THADA: variants seen among roughly 807,000 people sequenced by gnomAD.
THADA encodes the protein tRNA (32-2'-O)-methyltransferase regulator THADA.
THADA carries 213 observed loss-of-function variants against 219.8 expected under a neutral mutation model. That is an observed-to-expected ratio of 0.97 (90% CI 0.87 to 1.09). The LOEUF (loss-of-function observed/expected upper bound fraction) is 1.09. Ranked by LOEUF, THADA falls within the 50% of genes least tolerant of loss-of-function variation. The pLI is 0.00. For missense variants in THADA, 2,956 were observed against 2,311.3 expected, an observed-to-expected ratio of 1.28 and a Z score of -5.72; for synonymous variants, 1,018 against 828.9, an observed-to-expected ratio of 1.23 and a Z score of -3.92.
intron 4 of THADA, among the ~76,000 whole-genome samples, chr2:43,588,294 A>T (rs1701208547): frequency 6.8e-6 from 1 of 147,540 alleles, no homozygotes; most frequent in African/African-American, 2.5e-5. Context: ...AAGTTGAGCA[A>T]AAAAAAAAAA....
chr2:43,486,854 C>T (rs189870664), intron 25 of THADA, among the ~76,000 whole-genome samples: 6 of 152,216 alleles, frequency 3.9e-5, no homozygotes, highest in Non-Finnish European at 5.9e-5. Flanking sequence ...AAAAAAGAAC[C>T]AAACACCATG....
At chr2:43,270,812 A>G (rs926832221) in intron 36 of THADA, among the ~76,000 whole-genome samples, 1 of 152,192 alleles carries the variant, frequency 6.6e-6, no homozygotes, top group African/African-American at 2.4e-5. Context: ...GTGCCTGTGA[A>G]CAGCCACCAG....
intron 20 of THADA, among the ~76,000 whole-genome samples, chr2:43,546,493 G>T (rs2103850147): frequency 6.6e-6 from 1 of 152,250 alleles, no homozygotes; most frequent in Non-Finnish European, 1.5e-5. Context: ...CATTATTATT[G>T]TGTGGGAGTC....
chr2:43,457,691 T>C lies in THADA; in HGVS notation c.3837-27389A>G, dbSNP rs188722085. 2.4e-4 allele frequency among the ~76,000 whole-genome samples: 37 copies of C among 152,300 alleles called. No individual in the cohort carries two copies. In the East Asian group the frequency reaches 6.9e-3, roughly 29 times the overall value. The stretch of plus-strand genomic sequence containing the variant: ...TATACACCAAAAATGTTATTTAAAA[T>C]TCAGTTATAGGGAACCGCCCACAAA... On this transcript the variant is annotated intron_variant, in intron 26 of 37. Transcript: ENST00000405975.
In THADA at chr2:43,560,524, AC is replaced by A. The variant is rs1459739571; in HGVS notation, c.2312-140del. 3 of 487,034 alleles carry A rather than the reference AC, an allele frequency of 6.2e-6. No individual in the cohort carries two copies. The Admixed American group carries it at 1.2e-4, about 20-fold the overall frequency. 30.2% of individuals were successfully genotyped at this position (487,034 alleles called of 1,614,324 possible). ...TTTACCCATGATAGCTAAAACAGTA[AC>A]TTTTCCATTAATTTATTTCTTAAAA... On this transcript the variant is annotated intron_variant, in intron 15 of 37. Coordinates refer to ENST00000405975, the MANE Select transcript of THADA (RefSeq NM_022065.5).
chr2:43,267,995 T>G (rs990532489), intron 36 of THADA, among the ~76,000 whole-genome samples: 1 of 151,928 alleles, frequency 6.6e-6, no homozygotes, highest in Non-Finnish European at 1.5e-5. Flanking sequence ...CAGCTGGAGG[T>G]GAGGAAGCAG....
At chr2:43,436,868 C>T (rs75126888) in intron 26 of THADA, among the ~76,000 whole-genome samples, 16,837 of 152,190 alleles carry the variant, frequency 0.11, 1,076 homozygotes, top group African/African-American at 0.16. Context: ...TTTGTGAAAG[C>T]AGGCATTAAC....
chr2:43,425,284 C>T (rs532340630), intron 28 of THADA, among the ~76,000 whole-genome samples: 13 of 152,064 alleles, frequency 8.5e-5, no homozygotes, highest in Non-Finnish European at 1.3e-4. Flanking sequence ...GGCAGAAAGA[C>T]GGGGCTCAAC....
intron 31 of THADA, among the ~76,000 whole-genome samples, chr2:43,316,613 A>C (rs2104452386): frequency 6.6e-6 from 1 of 152,298 alleles, no homozygotes; most frequent in Non-Finnish European, 1.5e-5. Flanking sequence ...ACTGGATTAG[A>C]TGCATAGCTT....
At chr2:43,399,692 A>T (rs980748222) in intron 28 of THADA, among the ~76,000 whole-genome samples, 5 of 152,182 alleles carry the variant, frequency 3.3e-5, no homozygotes, top group Non-Finnish European at 7.3e-5. Flanking sequence ...CTATGGTTAC[A>T]GTAGGTAGCT....
intron 29 of THADA, among the ~76,000 whole-genome samples, chr2:43,356,530 C>T (rs1485784798): frequency 6.6e-6 from 1 of 152,020 alleles, no homozygotes; most frequent in Non-Finnish European, 1.5e-5. Flanking sequence ...CTGCTAATTC[C>T]CCTAAGGAAC....
Position 43,397,978 on chromosome 2 carries a change from A to G in THADA, c.4220T>C (p.Leu1407Pro). ...CAAAGCAACTTTACTTACCTGGAGA[A>G]GTGTCCCATGAATGTGGTTTTGCCG... is the stretch of plus-strand genomic sequence containing the variant. ...CFRQNHIHGT[L>P]LQVFHLLQAY... Residue 1407 changes from leucine (L) to proline (P), a missense_variant, in exon 29 of 38, where the codon CTT becomes CCT. Coordinates refer to ENST00000405975, the MANE Select transcript of THADA (RefSeq NM_022065.5). The G allele has an allele frequency of 6.2e-7, 1 of 1,613,894 alleles. No homozygotes were observed. The highest frequency in any genetic ancestry group is 8.5e-7 in the Non-Finnish European group (1 of 1,179,782).
At chr2:43,302,288 T>A (rs998400229) in intron 31 of THADA, among the ~76,000 whole-genome samples, 2 of 152,094 alleles carry the variant, frequency 1.3e-5, no homozygotes, top group African/African-American at 4.8e-5. Flanking sequence ...CCATCGTACT[T>A]TTCCTAAGTT....
At chr2:43,298,781 A>G (rs1443265133) in intron 31 of THADA, among the ~76,000 whole-genome samples, 1 of 152,134 alleles carries the variant, frequency 6.6e-6, no homozygotes, top group African/African-American at 2.4e-5. Flanking sequence ...GAATGAAGGC[A>G]CTACCCCAAA....
At chr2:43,439,377 C>T (rs567857954) in intron 26 of THADA, among the ~76,000 whole-genome samples, 1 of 152,236 alleles carries the variant, frequency 6.6e-6, no homozygotes, top group Admixed American at 6.5e-5. Flanking sequence ...TCTTACTGTG[C>T]CTAATTTATA....
At chr2:43,590,534 G>A (rs1385996620) in intron 4 of THADA, among the ~76,000 whole-genome samples, 3 of 151,574 alleles carry the variant, frequency 2.0e-5, no homozygotes, top group Non-Finnish European at 4.4e-5. Context: ...AAATTAGCCG[G>A]GTGTGGTGGC....
chr2:43,399,146 G>A (rs1257134195), intron 28 of THADA, among the ~76,000 whole-genome samples: 1 of 152,154 alleles, frequency 6.6e-6, no homozygotes, highest in Non-Finnish European at 1.5e-5. Context: ...CTAAGTACCA[G>A]CTTAACTAAG....
intron 24 of THADA, among the ~76,000 whole-genome samples, chr2:43,504,230 T>C (rs918568186): frequency 2.0e-5 from 3 of 152,190 alleles, no homozygotes; most frequent in African/African-American, 4.8e-5. Context: ...CATTTTTGAA[T>C]GGTGATTAAC....
At position 43,428,161 on chromosome 2, in the gene THADA, A is replaced by G. The variant is rs1174499939; in HGVS notation, c.3997T>C (p.Ser1333Pro). 3.7e-6 allele frequency: 6 copies of G among 1,610,678 alleles called. No individual in the cohort carries two copies. The highest frequency in any genetic ancestry group is 5.1e-6 in the Non-Finnish European group (6 of 1,178,206). Residue 1333 changes from serine (S) to proline (P), a missense_variant, in exon 28 of 38, where the codon TCC becomes CCC. Physicochemically the swap from Ser to Pro is moderately conservative, Grantham distance 74 (BLOSUM62 -1). Coordinates refer to ENST00000405975, the MANE Select transcript of THADA (RefSeq NM_022065.5). Reference sequence around the variant, plus strand: ...GCAGAAGAAGTACCATCCATCGGGGAAGCGTAGAGTCTCTCCAACACCAAA... The same window carrying G: ...GCAGAAGAAGTACCATCCATCGGGGGAGCGTAGAGTCTCTCCAACACCAAA... ...LLLVLERLYASPMDGTSSALS... is the reference protein window; with the variant it reads ...LLLVLERLYAPPMDGTSSALS...
Sources: allele counts gnomAD v4.1 joint callset (sites outside exome capture counted in the v4.1 genomes callset), GRCh38; gene constraint gnomAD v4.1.1; transcripts MANE v1.5; gene names NCBI Gene and HGNC (gene_info 2026-07-23, HGNC 2026-07-21).